GATAD2A: variants seen among roughly 807,000 people sequenced by gnomAD.
GATAD2A encodes GATA zinc finger domain containing 2A, also known as transcriptional repressor p66-alpha.
A neutral mutation model predicts 68.5 loss-of-function variants in GATAD2A; 12 were observed. The observed-to-expected ratio is 0.18, with a 90% CI of 0.11 to 0.28. The LOEUF (loss-of-function observed/expected upper bound fraction) is 0.28, where lower values mean the gene tolerates loss of function less well. GATAD2A is among the 10% of genes least tolerant of loss of function. The probability of loss-of-function intolerance (pLI) is 1.00; values close to 1 mark genes in which losing one functional copy is unlikely to be tolerated. For synonymous variants in GATAD2A, 410 were observed against 375.3 expected, an observed-to-expected ratio of 1.09 and a Z score of -1.07; for missense variants, 755 against 868.5, an observed-to-expected ratio of 0.87 and a Z score of 1.64.
At chr19:19,409,719 GGAAATAGTGAGACCCGTACTGTCA>G (rs1368638327) in intron 1 of GATAD2A, among the ~76,000 whole-genome samples, 1 of 148,698 alleles carries the variant, frequency 6.7e-6, no homozygotes, top group Non-Finnish European at 1.5e-5. Context: ...GCAGCGAGGT[GGAAATAGTGAGACCCGTACTGTCA>G]GAAACAAAGG....
At chr19:19,452,022 A>G (rs2056438289) in intron 1 of GATAD2A, among the ~76,000 whole-genome samples, 1 of 152,190 alleles carries the variant, frequency 6.6e-6, no homozygotes, top group Non-Finnish European at 1.5e-5. Flanking sequence ...GTTTTCTGAG[A>G]CAATTGAGCA....
intron 1 of GATAD2A, chr19:19,465,105 C>A: frequency 1.7e-6 from 1 of 585,272 alleles, no homozygotes; most frequent in East Asian, 2.9e-5. Context: ...AGTTTGGCTC[C>A]ACCAATGTTC....
intron 1 of GATAD2A, among the ~76,000 whole-genome samples, chr19:19,395,790 T>A (rs1252192613): frequency 6.6e-6 from 1 of 152,136 alleles, no homozygotes; most frequent in Non-Finnish European, 1.5e-5. Context: ...AAAAGTACGG[T>A]GGGAGTCCCT....
At chr19:19,471,768 C>T (rs970085479) in intron 2 of GATAD2A, among the ~76,000 whole-genome samples, 1 of 152,142 alleles carries the variant, frequency 6.6e-6, no homozygotes, top group African/African-American at 2.4e-5. Context: ...AAAAACAAAA[C>T]CCGCAGAGGT....
intron 11 of GATAD2A, among the ~76,000 whole-genome samples, 179 bp from the exon 12 acceptor site, chr19:19,505,165 T>A (rs1206379724): frequency 6.7e-6 from 1 of 149,026 alleles, no homozygotes; most frequent in Non-Finnish European, 1.5e-5. Context: ...TAAATACTCT[T>A]CAGCTCTGGG....
chr19:19,452,091 A>G (rs1267117193), intron 1 of GATAD2A, among the ~76,000 whole-genome samples: 3 of 152,224 alleles, frequency 2.0e-5, no homozygotes, highest in Non-Finnish European at 2.9e-5. Flanking sequence ...GTGAGTATAT[A>G]CGTGTGTGTT....
At chr19:19,426,521 A>AT (rs1335943484) in intron 1 of GATAD2A, among the ~76,000 whole-genome samples, 4 of 151,670 alleles carry the variant, frequency 2.6e-5, no homozygotes, top group Non-Finnish European at 5.9e-5. Context: ...TTTAATTTTT[A>AT]TTTTTTTGAG....
intron 2 of GATAD2A, among the ~76,000 whole-genome samples, chr19:19,491,978 G>A (rs1470177061): frequency 6.6e-6 from 1 of 152,248 alleles, no homozygotes; most frequent in Non-Finnish European, 1.5e-5. Flanking sequence ...CTGATCCGAG[G>A]CACACGGTAG....
chr19:19,415,414 C>T (rs967233030), intron 1 of GATAD2A, among the ~76,000 whole-genome samples: 22 of 151,392 alleles, frequency 1.5e-4, no homozygotes, highest in Non-Finnish European at 2.8e-4. Context: ...TTTGGCCTCC[C>T]AAAGCCCTGG....
At chr19:19,393,784 T>G (rs1289004577) in intron 1 of GATAD2A, among the ~76,000 whole-genome samples, 1 of 152,174 alleles carries the variant, frequency 6.6e-6, no homozygotes, top group African/African-American at 2.4e-5. Flanking sequence ...ATTTTCCTAC[T>G]TGATTGTTGG....
intron 1 of GATAD2A, among the ~76,000 whole-genome samples, chr19:19,393,238 C>T (rs2146864294): frequency 1.3e-5 from 2 of 152,036 alleles, no homozygotes; most frequent in Admixed American, 1.3e-4. Flanking sequence ...GAGTGAGAGG[C>T]AGAGTTTGCA....
chr19:19,501,150 C>T lies in GATAD2A; in HGVS notation c.1237C>T (p.Arg413Trp), dbSNP rs1355686423. Residue 413 changes from arginine (R) to tryptophan (W), a missense_variant, in exon 9 of 12, where the codon CGG becomes TGG. Physicochemically the swap from Arg to Trp is moderately radical, Grantham distance 101. Transcript: ENST00000683918. ...GRMSAATVLS[R>W]EPYMCAQCKT... ...GATGTCGGCCGCCACTGTGCTGTCC[C>T]GGGAGCCCTACATGTGTGCACAGTG... The T allele has an allele frequency of 4.3e-6, 7 of 1,612,896 alleles. No individual in the cohort carries two copies. Among genetic ancestry groups the T allele is most frequent in the South Asian group, 2.2e-5 (2 of 91,084 alleles).
At chr19:19,433,326 T>C (rs1267050456) in intron 1 of GATAD2A, among the ~76,000 whole-genome samples, 1 of 152,228 alleles carries the variant, frequency 6.6e-6, no homozygotes, top group Non-Finnish European at 1.5e-5. Context: ...CATGTCATAC[T>C]GTCTTGATGT....
rs536829823 is a variant in GATAD2A, at chr19:19,460,923, G to A, written c.-6-4417G>A. Among the ~76,000 whole-genome samples the A allele has an allele frequency of 9.9e-5, 15 of 152,240 alleles. No homozygotes were observed. The South Asian group carries it at 2.7e-3, about 27-fold the overall frequency. On this transcript the variant is annotated intron_variant, in intron 1 of 11. Coordinates refer to ENST00000683918, the MANE Select transcript of GATAD2A (RefSeq NM_001384528.1). ...TCCTTCAGGGCTGGCTTCCGGTGCC[G>A]CCCGTTCCACCCAGCCCCCGTCCCT...
Position 19,506,260 on chromosome 19 carries a change from G to C in GATAD2A, c.*786G>C. The C allele has an allele frequency of 7.5e-6, 3 of 398,276 alleles. No individual in the cohort carries two copies. Among genetic ancestry groups the C allele is most frequent in the Non-Finnish European group, 1.3e-5 (3 of 225,950 alleles). 24.7% of individuals were successfully genotyped at this position (398,276 alleles called of 1,614,324 possible). A position where few individuals can be genotyped will look rare whatever the true frequency, so the allele number is the denominator to read the frequency against. ...AGACTTAGCAGAAGAACAAACTGAA[G>C]AACAGACCCAGCCAGAGAAGCAGGG... On this transcript the variant is annotated 3_prime_UTR_variant, in exon 12 of 12. Coordinates refer to ENST00000683918, the MANE Select transcript of GATAD2A (RefSeq NM_001384528.1).
At chr19:19,406,994 C>G (rs1422705245) in intron 1 of GATAD2A, among the ~76,000 whole-genome samples, 2 of 152,244 alleles carry the variant, frequency 1.3e-5, no homozygotes, top group African/African-American at 2.4e-5. Flanking sequence ...TTCTTTAGAT[C>G]AAAGTCCGAG....
chr19:19,486,659 A>G (rs1478846859), intron 2 of GATAD2A, among the ~76,000 whole-genome samples: 1 of 152,132 alleles, frequency 6.6e-6, no homozygotes, highest in Non-Finnish European at 1.5e-5. Context: ...TCTCCATTCT[A>G]GGGGCATGCA....
intron 1 of GATAD2A, among the ~76,000 whole-genome samples, chr19:19,410,433 T>C (rs1386528777): frequency 6.6e-6 from 1 of 152,090 alleles, no homozygotes; most frequent in African/African-American, 2.4e-5. Flanking sequence ...GGGAGGGGTG[T>C]GGCCATGTGG....
intron 1 of GATAD2A, among the ~76,000 whole-genome samples, chr19:19,428,890 G>C (rs1374411621): frequency 6.6e-6 from 1 of 152,186 alleles, no homozygotes; most frequent in East Asian, 1.9e-4. Flanking sequence ...GGGGGACATT[G>C]GCCGCGCCCC....
Sources: gnomAD v4.1 joint callset for allele counts (sites outside exome capture counted in the v4.1 genomes callset) on GRCh38, gnomAD v4.1.1 for gene constraint, MANE v1.5 for transcripts, NCBI Gene and HGNC (gene_info 2026-07-23, HGNC 2026-07-21) for gene names.